The following SRSF6 variants were observed in gnomAD, a reference collection of about 807,000 sequenced individuals.
SRSF6 encodes the protein serine and arginine rich splicing factor 6, also known as serine/arginine-rich splicing factor 6.
In SRSF6, 17 loss-of-function variants were observed where a neutral mutation model predicts 42.0. The ratio of observed to expected loss-of-function variants is 0.40; its 90% CI spans 0.28 to 0.61. SRSF6 has a LOEUF of 0.61. Ranked by LOEUF, SRSF6 falls within the 20% of genes least tolerant of loss-of-function variation. The pLI, the probability that SRSF6 is intolerant of heterozygous loss-of-function variation, is 0.37. For synonymous variants in SRSF6, 204 were observed against 166.7 expected, an observed-to-expected ratio of 1.22 and a Z score of -1.72; for missense variants, 379 against 471.4, an observed-to-expected ratio of 0.80 and a Z score of 1.81.
At position 43,461,340 on chromosome 20, in the gene SRSF6, T is replaced by TTTTG. The variant is rs2017591754; in HGVS notation, c.*280_*281insGTTT. Reference sequence around the variant, plus strand: ...AAGATTAAGCTCATTTAGTGTTGTTTTTTTTTTTTTTTTTTTTTTTTTTTT... The same window carrying TTTTG: ...AAGATTAAGCTCATTTAGTGTTGTTTTTTGTTTTTTTTTTTTTTTTTTTTTTTTT... On this transcript the variant is annotated 3_prime_UTR_variant, in exon 6 of 6. Coordinates refer to ENST00000244020, the MANE Select transcript of SRSF6 (RefSeq NM_006275.6). The TTTTG allele has an allele frequency of 1.0e-4, 2 of 19,804 alleles. No individual in the cohort carries two copies. The highest frequency in any genetic ancestry group is 2.4e-4 in the African/African-American group (2 of 8,248). The allele number at this position is 19,804 out of a possible 1,614,324, so 1.2% of individuals were successfully genotyped here. A position where few individuals can be genotyped will look rare whatever the true frequency, so the allele number is the denominator to read the frequency against.
At position 43,458,102 on chromosome 20, in the gene SRSF6, T is replaced by C. The variant is rs770919223; in HGVS notation, c.69T>C (p.Ser23=). The C allele has an allele frequency of 1.3e-5, 21 of 1,613,298 alleles. No homozygotes were observed. Among genetic ancestry groups the C allele is most frequent in the African/African-American group, 2.7e-5 (2 of 74,836 alleles). ...VREKDIQRFF[S]GYGRLLEVDL... ...AGAAGGACATCCAGCGCTTTTTCAG[T>C]GGCTATGGCCGCCTCCTCGAAGTAG... Residue 23 remains serine, a synonymous_variant, in exon 1 of 6, where the codon AGT becomes AGC. Coordinates refer to ENST00000244020, the MANE Select transcript of SRSF6 (RefSeq NM_006275.6).
chr20:43,460,653 A>C, intron 5 of SRSF6, 50 bp from the exon 6 acceptor site: 1 of 1,613,002 alleles, frequency 6.2e-7, no homozygotes, highest in Non-Finnish European at 8.5e-7. Context: ...TTTATGGAGT[A>C]TGTGTACATT....
At chr20:43,460,660 C>G in intron 5 of SRSF6, 43 bp from the exon 6 acceptor site, 1 of 1,612,404 alleles carries the variant, frequency 6.2e-7, no homozygotes, top group Non-Finnish European at 8.5e-7. Flanking sequence ...AGTATGTGTA[C>G]ATTCTCACTA....
chr20:43,458,959 G>A (rs1267460656), intron 2 of SRSF6, among the ~76,000 whole-genome samples: 1 of 152,068 alleles, frequency 6.6e-6, no homozygotes, highest in East Asian at 1.9e-4. Flanking sequence ...GCCAAAGAAT[G>A]TACTATTTTT....
Position 43,462,378 on chromosome 20 carries a change from C to G in SRSF6, c.*1315C>G, listed in dbSNP as rs1321415776. On this transcript the variant is annotated 3_prime_UTR_variant, in exon 6 of 6. Coordinates refer to ENST00000244020, the MANE Select transcript of SRSF6 (RefSeq NM_006275.6). ...TGAGAAGTGAATTAACCTTACATCC[C>G]TTTGTTCAGATACCTTAAAAGTTAC... 1 of 152,170 alleles carries G rather than the reference C, an allele frequency of 6.6e-6. No homozygotes were observed. Among genetic ancestry groups the G allele is most frequent in the Non-Finnish European group, 1.5e-5 (1 of 68,036 alleles). 9.4% of individuals were successfully genotyped at this position (152,170 alleles called of 1,614,324 possible).
rs1306265413 is a variant in SRSF6, at chr20:43,463,914, T to G, written c.*2851T>G. ...ACAAATACAATTTTATTTACAAATA[T>G]ACATGGTTGGACCATACCTTGGAAT... On this transcript the variant is annotated 3_prime_UTR_variant, in exon 6 of 6. Coordinates refer to ENST00000244020, the MANE Select transcript of SRSF6 (RefSeq NM_006275.6). 3 of 152,236 alleles carry G rather than the reference T, an allele frequency of 2.0e-5. No homozygotes were observed. Among genetic ancestry groups the G allele is most frequent in the Non-Finnish European group, 4.4e-5 (3 of 68,036 alleles). The allele number at this position is 152,236 out of a possible 1,614,324, so 9.4% of individuals were successfully genotyped here.
chr20:43,460,451 C>G (rs531909350), intron 4 of SRSF6, 64 bp from the exon 5 acceptor site: 1 of 1,513,208 alleles, frequency 6.6e-7, no homozygotes, highest in African/African-American at 1.4e-5. Flanking sequence ...TCTATTTTTG[C>G]CAGATGGCAC....
Position 43,460,515 on chromosome 20 carries a change from G to C in SRSF6, c.591G>C (p.Arg197Ser). Residue 197 changes from arginine (R) to serine (S), a missense_variant and splice_region_variant, in exon 5 of 6, where the codon AGG becomes AGC. By Grantham distance (110) the Arg-to-Ser change is moderately radical. Transcript: ENST00000244020. ...HRRSYSGSRSRSRSRRRSRSR... is the reference protein window; with the variant it reads ...HRRSYSGSRSSSRSRRRSRSR... ...GACTTCATTGTTTTTCTCCTAATAG[G>C]TCTCGATCTAGAAGACGGTCACGAA... is the stretch of plus-strand genomic sequence containing the variant. 6.2e-7 allele frequency: 1 copy of C among 1,613,800 alleles called. No homozygotes were observed. The highest frequency in any genetic ancestry group is 8.5e-7 in the Non-Finnish European group (1 of 1,179,874).
At chr20:43,459,994 G>A in intron 3 of SRSF6, 39 bp from the exon 4 acceptor site, 2 of 1,613,432 alleles carry the variant, frequency 1.2e-6, no homozygotes. Context: ...GTATATAGAT[G>A]TTTTAAGATT....
At chr20:43,458,239 A>G in intron 1 of SRSF6, 99 bp downstream of exon 1, 3 of 1,428,652 alleles carry the variant, frequency 2.1e-6, no homozygotes, top group African/African-American at 1.5e-5. Flanking sequence ...GCCGCGTGGC[A>G]GGGCCTCAAA....
chr20:43,462,985 A>G lies in SRSF6; in HGVS notation c.*1922A>G, dbSNP rs2017629293. 1 of 152,676 alleles carries G rather than the reference A, an allele frequency of 6.5e-6. No homozygotes were observed. The highest frequency in any genetic ancestry group is 6.5e-5 in the Admixed American group (1 of 15,290). 9.5% of individuals were successfully genotyped at this position (152,676 alleles called of 1,614,324 possible). ...CCAAAGTTCTCTTGTTTTCAGGGAA[A>G]GAACATAAAAGCTTTTTGAACTACA... On this transcript the variant is annotated 3_prime_UTR_variant, in exon 6 of 6. Transcript: ENST00000244020.
rs1363359363 is a variant in SRSF6, at chr20:43,464,105, G to A, written c.*3042G>A. ...AGAGATCGGCTTTAAATGGCTGGCT[G>A]GTTACTGTTGAATGAATGTATGATA... is the stretch of plus-strand genomic sequence containing the variant. On this transcript the variant is annotated 3_prime_UTR_variant, in exon 6 of 6. Transcript: ENST00000244020. 2.0e-5 allele frequency: 3 copies of A among 152,128 alleles called. No homozygotes were observed. The highest frequency in any genetic ancestry group is 4.4e-5 in the Non-Finnish European group (3 of 68,018). 9.4% of individuals were successfully genotyped at this position (152,128 alleles called of 1,614,324 possible).
Position 43,462,065 on chromosome 20 carries a change from TAATCTC to T in SRSF6, c.*1004_*1009del, listed in dbSNP as rs1396857500. 2.1e-4 allele frequency: 32 copies of T among 152,356 alleles called. No homozygotes were observed. Among genetic ancestry groups the T allele is most frequent in the Middle Eastern group, 6.8e-3 (2 of 294 alleles). The allele number at this position is 152,356 out of a possible 1,614,324, so 9.4% of individuals were successfully genotyped here. The stretch of plus-strand genomic sequence containing the variant: ...AAGATCATTATGTTTAACAGGCACT[TAATCTC>T]AGTAAAGTCAGTTGCCAGTTAAGTT... On this transcript the variant is annotated 3_prime_UTR_variant, in exon 6 of 6. Coordinates refer to ENST00000244020, the MANE Select transcript of SRSF6 (RefSeq NM_006275.6).
Position 43,463,311 on chromosome 20 carries a change from G to A in SRSF6, c.*2248G>A, listed in dbSNP as rs2017636216. 1 of 154,832 alleles carries A rather than the reference G, an allele frequency of 6.5e-6. No individual in the cohort carries two copies. 9.6% of individuals were successfully genotyped at this position (154,832 alleles called of 1,614,324 possible). ...CATTGGCTCACTTGGTGAGCATAGG[G>A]TTGACTGATAAAATGTTTAATTCCC... is the stretch of plus-strand genomic sequence containing the variant. On this transcript the variant is annotated 3_prime_UTR_variant, in exon 6 of 6. Coordinates refer to ENST00000244020, the MANE Select transcript of SRSF6 (RefSeq NM_006275.6).
intron 1 of SRSF6, 23 bp downstream of exon 1, chr20:43,458,163 CGCCCAGCGTCCCAG>C: frequency 6.2e-7 from 1 of 1,604,292 alleles, no homozygotes; most frequent in Middle Eastern, 1.7e-4. Flanking sequence ...TGGGCGCCCG[CGCCCAGCGTCCCAG>C]GCCTGGTGGC....
Position 43,458,051 on chromosome 20 carries a change from A to G in SRSF6, c.18A>G (p.Ile6Met), listed in dbSNP as rs754155211. The G allele has an allele frequency of 6.2e-7, 1 of 1,612,954 alleles. No homozygotes were observed. Among genetic ancestry groups the G allele is most frequent in the South Asian group, 1.1e-5 (1 of 90,994 alleles). The change falls in exon 1 of 6, where the codon ATA (isoleucine) becomes ATG (methionine). Residue 6 changes from isoleucine to methionine, a missense_variant. This residue lies in a region of SRSF6 where 117 missense variants were observed against 146.8 expected (regional missense o/e 0.80). Coordinates refer to ENST00000244020, the MANE Select transcript of SRSF6 (RefSeq NM_006275.6). MPRVY[I>M]GRLSYNVREK... ...CCACGGACATGCCGCGCGTCTACAT[A>G]GGACGCCTGAGCTACAACGTCCGGG...
chr20:43,458,250 G>A (rs1452420797), intron 1 of SRSF6, 110 bp downstream of exon 1: 1 of 1,414,964 alleles, frequency 7.1e-7, no homozygotes, highest in African/African-American at 1.5e-5. Context: ...GGGCCTCAAA[G>A]ATGGCGACGG....
rs1261729664 is a variant in SRSF6, at chr20:43,464,042, A to G, written c.*2979A>G. On this transcript the variant is annotated 3_prime_UTR_variant, in exon 6 of 6. Transcript: ENST00000244020. The stretch of plus-strand genomic sequence containing the variant: ...TTAGGTTTTCAGTGTTCATGCCCTG[A>G]GTAGTAGTCTGCAGTTTGCTTTAAT... 2.6e-5 allele frequency: 4 copies of G among 152,212 alleles called. No homozygotes were observed. Among genetic ancestry groups the G allele is most frequent in the Non-Finnish European group, 5.9e-5 (4 of 68,036 alleles). 9.4% of individuals were successfully genotyped at this position (152,212 alleles called of 1,614,324 possible). A position where few individuals can be genotyped will look rare whatever the true frequency, so the allele number is the denominator to read the frequency against.
Position 43,460,776 on chromosome 20 carries a change from A to C in SRSF6, c.748A>C (p.Lys250Gln). ...GAAATCTAGATCAAAGAGCAAATCT[A>C]AGCCCAAGTCTGATCGGGGCTCCCA... ...GRKSRSKSKS[K>Q]PKSDRGSHSH... Residue 250 changes from lysine (K) to glutamine (Q), a missense_variant, in exon 6 of 6, where the codon AAG (lysine) becomes CAG (glutamine). Transcript: ENST00000244020. The C allele has an allele frequency of 6.2e-7, 1 of 1,614,192 alleles. No individual in the cohort carries two copies. Among genetic ancestry groups the C allele is most frequent in the East Asian group, 2.2e-5 (1 of 44,884 alleles).
Sources: allele counts gnomAD v4.1 joint callset (sites outside exome capture counted in the v4.1 genomes callset), GRCh38; gene constraint gnomAD v4.1.1; regional missense constraint gnomAD v4.1.1; transcripts MANE v1.5; gene names NCBI Gene and HGNC (gene_info 2026-07-23, HGNC 2026-07-21).